The following MAPK10 variants were observed in gnomAD, a reference collection of about 807,000 sequenced individuals.
MAPK10 encodes mitogen-activated protein kinase 10, also known as JNK3 alpha protein kinase.
MAPK10 carries 25 observed loss-of-function variants against 59.3 expected under a neutral mutation model. The observed-to-expected ratio is 0.42, with a 90% CI of 0.31 to 0.59. The LOEUF is 0.59. Among genes scored for constraint, MAPK10 ranks in the 20% least tolerant of loss-of-function variants. MAPK10 has a pLI of 0.15. For synonymous variants in MAPK10, 190 were observed against 200.5 expected, an observed-to-expected ratio of 0.95 and a Z score of 0.44; for missense variants, 351 against 568.9, an observed-to-expected ratio of 0.62 and a Z score of 3.90.
intron 1 of MAPK10, chr4:86,384,011 C>T (rs954335134): frequency 2.0e-5 from 3 of 152,276 alleles, no homozygotes; most frequent in Middle Eastern, 3.4e-3. Flanking sequence ...TCCTACATTT[C>T]GAAGCCTAAT....
chr4:86,564,032 A>G (rs1760881842), intron 1 of MAPK10, among the ~76,000 whole-genome samples: 1 of 151,922 alleles, frequency 6.6e-6, no homozygotes, highest in Non-Finnish European at 1.5e-5. Context: ...GGGTTTTACC[A>G]TTTTCTCCAG....
intron 1 of MAPK10, among the ~76,000 whole-genome samples, chr4:86,446,143 C>G (rs995046866): frequency 3.1e-4 from 47 of 152,062 alleles, no homozygotes; most frequent in African/African-American, 1.0e-3. Context: ...ATTAGAAATA[C>G]TCGATTATTG....
chr4:86,169,435 G>T (rs530913090), intron 3 of MAPK10, among the ~76,000 whole-genome samples: 31 of 152,310 alleles, frequency 2.0e-4, no homozygotes, highest in Non-Finnish European at 4.3e-4. Context: ...CTCAGGAGCC[G>T]ATGCGATCAA....
At chr4:86,305,573 C>T (rs1050633431) in intron 2 of MAPK10, among the ~76,000 whole-genome samples, 11 of 152,058 alleles carry the variant, frequency 7.2e-5, no homozygotes, top group African/African-American at 2.4e-4. Flanking sequence ...AATCCCAGCA[C>T]TTTGGGAGGC....
intron 9 of MAPK10, among the ~76,000 whole-genome samples, chr4:86,078,728 G>T (rs1453476565): frequency 6.6e-6 from 1 of 152,046 alleles, no homozygotes; most frequent in Admixed American, 6.5e-5. Context: ...AGAGGCTCAT[G>T]CATGTAATCC....
At chr4:86,376,869 A>T (rs924454674) in intron 1 of MAPK10, among the ~76,000 whole-genome samples, 3 of 152,208 alleles carry the variant, frequency 2.0e-5, no homozygotes, top group Admixed American at 6.5e-5. Context: ...CTAAAGAGAA[A>T]TTTATTCCAG....
intron 1 of MAPK10, among the ~76,000 whole-genome samples, chr4:86,407,824 T>C (rs1197440652): frequency 6.6e-6 from 1 of 152,058 alleles, no homozygotes; most frequent in Admixed American, 6.6e-5. Flanking sequence ...GTGAAGAATA[T>C]CAATTAGTTG....
At chr4:86,070,560 G>A (rs376876781) in intron 9 of MAPK10, among the ~76,000 whole-genome samples, 1 of 104,438 alleles carries the variant, frequency 9.6e-6, no homozygotes, top group African/African-American at 3.9e-5. Context: ...CCCCACCACA[G>A]TCCCCAGAGT....
intron 1 of MAPK10, among the ~76,000 whole-genome samples, chr4:86,372,520 AAAAGAAAGAAAG>A (rs71598410): frequency 3.3e-5 from 3 of 90,054 alleles, no homozygotes; most frequent in South Asian, 3.6e-4. Context: ...CATCTCAAAC[AAAAGAAAGAAAG>A]AAAGAAAGAA....
At chr4:86,370,935 A>G (rs956126523) in intron 1 of MAPK10, 1 of 152,216 alleles carries the variant, frequency 6.6e-6, no homozygotes, top group Non-Finnish European at 1.5e-5. Context: ...AGATTTCATA[A>G]GAATAGACTT....
intron 1 of MAPK10, among the ~76,000 whole-genome samples, chr4:86,431,948 C>T (rs1343483795): frequency 3.3e-5 from 5 of 152,272 alleles, no homozygotes; most frequent in South Asian, 4.1e-4. Context: ...CTTACACTGC[C>T]CAGAACCACT....
At chr4:86,556,437 TAAG>T (rs986657239) in intron 1 of MAPK10, among the ~76,000 whole-genome samples, 1 of 152,136 alleles carries the variant, frequency 6.6e-6, no homozygotes, top group African/African-American at 2.4e-5. Context: ...TTGTTTGACA[TAAG>T]AAAATATAAC....
chr4:86,128,048 G>T (rs991924350), intron 4 of MAPK10, among the ~76,000 whole-genome samples: 2 of 151,936 alleles, frequency 1.3e-5, no homozygotes, highest in African/African-American at 4.8e-5. Flanking sequence ...TATAGCACAG[G>T]CTGTCATTAG....
upstream of MAPK10, among the ~76,000 whole-genome samples, chr4:86,454,077 T>C (rs575608025): frequency 1.3e-5 from 2 of 152,278 alleles, no homozygotes; most frequent in South Asian, 4.2e-4. Context: ...CAGTACTACA[T>C]CAAGGAAACA....
At chr4:86,589,984 A>G (rs1565086839) in intron 1 of MAPK10, among the ~76,000 whole-genome samples, 3 of 92,634 alleles carry the variant, frequency 3.2e-5, no homozygotes, top group Admixed American at 1.1e-4. Context: ...ACTCCATCTT[A>G]AAAAAAAAAA....
At chr4:86,154,948 A>T (rs1228582776) in intron 4 of MAPK10, among the ~76,000 whole-genome samples, 1 of 152,026 alleles carries the variant, frequency 6.6e-6, no homozygotes, top group Non-Finnish European at 1.5e-5. Flanking sequence ...TCTGTCATGC[A>T]CCCTAACATG....
In MAPK10 at chr4:86,446,727, C is replaced by G. The variant is rs183075637; in HGVS notation, c.-122+6303G>C. On this transcript the variant is annotated intron_variant, in intron 1 of 13. Coordinates refer to the MAPK10 transcript ENST00000361569. ...TATTTGCTATTACTCTCCATCCTTA[C>G]TGATACTTCTGTCAAACTTTTAAAT... 4.6e-5 allele frequency among the ~76,000 whole-genome samples: 7 copies of G among 152,312 alleles called. No homozygotes were observed. The East Asian group carries it at 1.2e-3, about 25-fold the overall frequency.
At chr4:86,062,332 C>T (rs1292495746) in intron 11 of MAPK10, among the ~76,000 whole-genome samples, 1 of 152,026 alleles carries the variant, frequency 6.6e-6, no homozygotes, top group Non-Finnish European at 1.5e-5. Flanking sequence ...CCAGCATGAC[C>T]AATATCAAAG....
At chr4:86,329,253 T>C (rs2096094218) in intron 2 of MAPK10, among the ~76,000 whole-genome samples, 1 of 152,234 alleles carries the variant, frequency 6.6e-6, no homozygotes, top group African/African-American at 2.4e-5. Context: ...TCAATATTTA[T>C]TTAAAGTGTA....
Sources: allele counts gnomAD v4.1 joint callset (sites outside exome capture counted in the v4.1 genomes callset), GRCh38; gene constraint gnomAD v4.1.1; transcripts MANE v1.5; gene names NCBI Gene and HGNC (gene_info 2026-07-23, HGNC 2026-07-21).